Variants in PTPN9 observed in about 807,000 individuals in gnomAD.
PTPN9 encodes tyrosine-protein phosphatase non-receptor type 9.
A neutral mutation model predicts 69.8 loss-of-function variants in PTPN9; 26 were observed. That is an observed-to-expected ratio of 0.37 (90% confidence interval 0.27 to 0.52). PTPN9 has a LOEUF of 0.52. Ranked by LOEUF, PTPN9 falls within the 20% of genes least tolerant of loss-of-function variation. PTPN9 has a pLI of 0.91. For missense variants in PTPN9, 549 were observed against 740.3 expected (o/e 0.74, Z 3.00); for synonymous variants, 274 against 272.5 (o/e 1.01, Z -0.05).
chr15:75,526,605 T>G (rs1268935168), intron 2 of PTPN9, among the ~76,000 whole-genome samples: 2 of 152,036 alleles, frequency 1.3e-5, no homozygotes, highest in African/African-American at 2.4e-5. Flanking sequence ...CAAAACAAAG[T>G]AAAATCCTGA....
chr15:75,485,689 G>T (rs1325561538), intron 8 of PTPN9, among the ~76,000 whole-genome samples: 2 of 151,060 alleles, frequency 1.3e-5, no homozygotes, highest in African/African-American at 2.4e-5. Context: ...CTTCTTTAAA[G>T]AAGACATTAT....
At chr15:75,529,195 C>G (rs1194621761) in intron 1 of PTPN9, among the ~76,000 whole-genome samples, 2 of 151,960 alleles carry the variant, frequency 1.3e-5, no homozygotes, top group Non-Finnish European at 2.9e-5. Flanking sequence ...CCATATTGGC[C>G]AGGCTGGTCT....
Position 75,479,909 on chromosome 15 carries a change from A to C in PTPN9, c.1068T>G (p.Asp356Glu). The C allele has an allele frequency of 6.2e-7, 1 of 1,604,692 alleles. No homozygotes were observed. The highest frequency in any genetic ancestry group is 8.5e-7 in the Non-Finnish European group (1 of 1,173,492). ...LTKRSGHTQTDYINASFMDGY... is the reference protein window; with the variant it reads ...LTKRSGHTQTEYINASFMDGY... ...CATCCATGAAACTGGCATTGATGTA[A>C]TCTGTCTAATGATAAAAAGGAGACA... Residue 356 changes from aspartate to glutamate, a missense_variant, in exon 9 of 13, where the codon GAT (aspartate) becomes GAG (glutamate). Asp to Glu is a conservative substitution (Grantham distance 45, BLOSUM62 2). Coordinates refer to ENST00000618819, the MANE Select transcript of PTPN9 (RefSeq NM_002833.4).
chr15:75,562,907 A>G (rs2075110998), intron 1 of PTPN9, among the ~76,000 whole-genome samples: 1 of 151,654 alleles, frequency 6.6e-6, no homozygotes, highest in South Asian at 2.1e-4. Context: ...TTTAGCAAAC[A>G]TATTTTAGTT....
chr15:75,505,805 C>T lies in PTPN9; in HGVS notation c.838G>A (p.Val280Ile). 3.7e-6 allele frequency: 6 copies of T among 1,614,130 alleles called. No homozygotes were observed. The highest frequency in any genetic ancestry group is 5.1e-6 in the Non-Finnish European group (6 of 1,180,008). Residue 280 changes from valine (V) to isoleucine (I), a missense_variant, in exon 7 of 13, where the codon GTT becomes ATT. By Grantham distance (29) the Val-to-Ile change is conservative. Around this residue, in one of 3 missense-constraint regions of PTPN9, gnomAD observed 457 missense variants for 661.9 expected, o/e 0.69. Transcript: ENST00000618819. ...ATGGTCATAGCATGGGGACCTGGAA[C>T]ATGTACTGAGTCCCAGTCTAAGGCA... is the stretch of plus-strand genomic sequence containing the variant. ...PPALDWDSVH[V>I]PGPHAMTIQE...
At chr15:75,538,059 G>A (rs1434771219) in intron 1 of PTPN9, among the ~76,000 whole-genome samples, 1 of 151,722 alleles carries the variant, frequency 6.6e-6, no homozygotes, top group Non-Finnish European at 1.5e-5. Flanking sequence ...ACTTTGTCTC[G>A]AAACAAAACA....
At chr15:75,555,875 C>T (rs1442997830) in intron 1 of PTPN9, among the ~76,000 whole-genome samples, 1 of 151,712 alleles carries the variant, frequency 6.6e-6, no homozygotes, top group Admixed American at 6.6e-5. Flanking sequence ...ACTTTAAGAA[C>T]CACTGCTCTA....
chr15:75,531,647 A>T (rs918519910), intron 1 of PTPN9, among the ~76,000 whole-genome samples: 2 of 151,694 alleles, frequency 1.3e-5, no homozygotes, highest in African/African-American at 4.8e-5. Flanking sequence ...CAGTGGCGCA[A>T]TCTTGGCTCC....
intron 1 of PTPN9, among the ~76,000 whole-genome samples, chr15:75,540,198 T>C (rs766429456): frequency 2.7e-4 from 41 of 151,984 alleles, no homozygotes; most frequent in Non-Finnish European, 2.9e-5. Context: ...ATAGAGCAAA[T>C]AAATAGGCAC....
At chr15:75,523,274 A>G (rs1198327176) in intron 3 of PTPN9, 29 bp from the exon 4 acceptor site, 1 of 1,607,002 alleles carries the variant, frequency 6.2e-7, no homozygotes, top group Non-Finnish European at 8.5e-7. Context: ...GAAACATTAA[A>G]AAAATCAAAT....
chr15:75,539,694 T>C (rs1056357512), intron 1 of PTPN9, among the ~76,000 whole-genome samples: 2 of 151,924 alleles, frequency 1.3e-5, no homozygotes, highest in East Asian at 1.9e-4. Flanking sequence ...TTTTTTGAGA[T>C]AGAATCTCCC....
intron 4 of PTPN9, among the ~76,000 whole-genome samples, chr15:75,520,378 C>A (rs2074896502): frequency 6.6e-6 from 1 of 151,848 alleles, no homozygotes. Context: ...TCAAAGTGCT[C>A]ATCCTGTGAA....
chr15:75,491,849 T>C (rs185382474), intron 7 of PTPN9, among the ~76,000 whole-genome samples: 3 of 152,184 alleles, frequency 2.0e-5, no homozygotes, highest in Admixed American at 6.5e-5. Context: ...CAGATAAAAA[T>C]TTCTACTACT....
At chr15:75,560,139 CA>C (rs34674711) in intron 1 of PTPN9, among the ~76,000 whole-genome samples, 80,797 of 132,090 alleles carry the variant, frequency 0.61, 23,948 homozygotes, top group African/African-American at 0.79. Flanking sequence ...GACTCCATCT[CA>C]AAAAAAAAAA....
chr15:75,562,754 C>G (rs1450607044), intron 1 of PTPN9, among the ~76,000 whole-genome samples: 1 of 122,144 alleles, frequency 8.2e-6, no homozygotes, highest in Non-Finnish European at 1.6e-5. Context: ...ATGGCGTGAA[C>G]TGCACTCCAG....
intron 1 of PTPN9, among the ~76,000 whole-genome samples, chr15:75,570,059 T>C (rs1300193295): frequency 6.6e-6 from 1 of 152,040 alleles, no homozygotes; most frequent in Non-Finnish European, 1.5e-5. Context: ...GACCTTGTGA[T>C]CCACCCGCCT....
intron 8 of PTPN9, among the ~76,000 whole-genome samples, chr15:75,480,370 C>G (rs1459587575): frequency 6.6e-6 from 1 of 152,060 alleles, no homozygotes; most frequent in Non-Finnish European, 1.5e-5. Context: ...TTTGGGAGGC[C>G]GAGGAGGGTG....
intron 1 of PTPN9, among the ~76,000 whole-genome samples, chr15:75,529,111 C>T (rs149888794): frequency 4.0e-4 from 61 of 151,952 alleles, no homozygotes; most frequent in African/African-American, 1.4e-3. Context: ...CTCAGCCTCC[C>T]GAGTAGCTGG....
rs938584515 is a variant in PTPN9, at chr15:75,463,797, A to G, written c.*4972T>C. On this transcript the variant is annotated 3_prime_UTR_variant, in exon 13 of 13. Transcript: ENST00000618819. Reference sequence around the variant, plus strand: ...CTTGATATTCACAAGTGTTGTGTAAAGGTAACTATAGGGCGGATACCTCCT... The same window carrying G: ...CTTGATATTCACAAGTGTTGTGTAAGGGTAACTATAGGGCGGATACCTCCT... 6.6e-6 allele frequency: 1 copy of G among 152,186 alleles called. No individual in the cohort carries two copies. Among genetic ancestry groups the G allele is most frequent in the African/African-American group, 2.4e-5 (1 of 41,462 alleles). 9.4% of individuals were successfully genotyped at this position (152,186 alleles called of 1,614,324 possible).
Sources: allele counts gnomAD v4.1 joint callset (sites outside exome capture counted in the v4.1 genomes callset), GRCh38; gene constraint gnomAD v4.1.1; regional missense constraint gnomAD v4.1.1; transcripts MANE v1.5; gene names NCBI Gene and HGNC (gene_info 2026-07-23, HGNC 2026-07-21).